Variants in PTPRT observed in about 807,000 individuals in gnomAD.
PTPRT encodes the protein receptor-type tyrosine-protein phosphatase T.
Under a neutral mutation model 176.8 loss-of-function variants are expected in PTPRT, and 56 were observed. The ratio of observed to expected loss-of-function variants is 0.32; its 90% CI spans 0.26 to 0.40. PTPRT has a LOEUF of 0.40. PTPRT is among the 10% of genes least tolerant of loss of function. PTPRT has a pLI of 1.00. For synonymous variants in PTPRT, 783 were observed against 739.0 expected, an observed-to-expected ratio of 1.06 and a Z score of -0.96; for missense variants, 1,540 against 1,908.2, an observed-to-expected ratio of 0.81 and a Z score of 3.60.
chr20:42,973,582 C>G (rs1199143900), intron 1 of PTPRT, among the ~76,000 whole-genome samples: 1 of 152,152 alleles, frequency 6.6e-6, no homozygotes, highest in Non-Finnish European at 1.5e-5. Flanking sequence ...GCAGCGACCT[C>G]AGCCCCTTTT....
intron 8 of PTPRT, among the ~76,000 whole-genome samples, chr20:42,449,249 T>C (rs2070784553): frequency 1.3e-5 from 2 of 152,134 alleles, no homozygotes; most frequent in African/African-American, 4.8e-5. Flanking sequence ...TATTTGTTGG[T>C]TGGATGAATA....
chr20:42,109,752 G>GAGA (rs1600530159), intron 23 of PTPRT, among the ~76,000 whole-genome samples: 1 of 152,200 alleles, frequency 6.6e-6, no homozygotes, highest in Non-Finnish European at 1.5e-5. Context: ...CAGACTGGAC[G>GAGA]AGAAGTAAAT....
intron 2 of PTPRT, among the ~76,000 whole-genome samples, chr20:42,881,897 C>A (rs1217691702): frequency 6.6e-6 from 1 of 152,016 alleles, no homozygotes; most frequent in Non-Finnish European, 1.5e-5. Flanking sequence ...CTAAAACACA[C>A]CAGGTATGAG....
At chr20:42,755,151 G>A (rs975270660) in intron 6 of PTPRT, among the ~76,000 whole-genome samples, 1 of 152,106 alleles carries the variant, frequency 6.6e-6, no homozygotes, top group East Asian at 1.9e-4. Flanking sequence ...GGGAGAAGAC[G>A]ACATACTGCC....
chr20:42,581,418 C>T (rs1032058528), intron 7 of PTPRT, among the ~76,000 whole-genome samples: 3 of 151,866 alleles, frequency 2.0e-5, no homozygotes, highest in East Asian at 1.9e-4. Flanking sequence ...ATGACGGAAA[C>T]GATTTGTTTC....
intron 1 of PTPRT, among the ~76,000 whole-genome samples, chr20:43,045,484 C>T (rs1362587550): frequency 1.1e-4 from 15 of 132,408 alleles, no homozygotes; most frequent in Non-Finnish European, 1.7e-4. Context: ...GTCACAGTCT[C>T]GCTCTGTCAC....
intron 1 of PTPRT, among the ~76,000 whole-genome samples, chr20:42,995,840 T>C (rs549050038): frequency 3.3e-5 from 5 of 152,122 alleles, no homozygotes; most frequent in Non-Finnish European, 7.4e-5. Flanking sequence ...TTTTTTTTAA[T>C]AGTCAGCGTA....
chr20:42,081,776 A>G, intron 30 of PTPRT, 106 bp downstream of exon 30: 2 of 1,413,512 alleles, frequency 1.4e-6, no homozygotes, highest in Non-Finnish European at 2.0e-6. Context: ...GCAGGTATAC[A>G]ATTAGCAGCC....
chr20:42,877,415 G>A lies in PTPRT; in HGVS notation c.214+8392C>T, dbSNP rs1300028606. 5.9e-5 allele frequency among the ~76,000 whole-genome samples: 9 copies of A among 152,158 alleles called. No individual in the cohort carries two copies. The South Asian group carries it at 1.9e-3, about 32-fold the overall frequency. On this transcript the variant is annotated intron_variant, in intron 2 of 30. Transcript: ENST00000373187. ...CTCTCAGCGAGCTACACAATCCACT[G>A]AGACTCAACACAATGAGAGATACCC...
intron 4 of PTPRT, among the ~76,000 whole-genome samples, chr20:42,774,608 T>C (rs1269000277): frequency 6.6e-6 from 1 of 152,186 alleles, no homozygotes; most frequent in African/African-American, 2.4e-5. Flanking sequence ...CGGTCCCTGA[T>C]ATGTAGCTCT....
intron 1 of PTPRT, among the ~76,000 whole-genome samples, chr20:42,916,429 G>A (rs1477571566): frequency 6.6e-6 from 1 of 152,104 alleles, no homozygotes. Flanking sequence ...AAACATACAT[G>A]TGCATGTGTC....
chr20:42,556,843 C>T (rs777056393), intron 7 of PTPRT, among the ~76,000 whole-genome samples: 11 of 152,010 alleles, frequency 7.2e-5, no homozygotes, highest in Non-Finnish European at 1.5e-4. Context: ...TTGCTGGTGC[C>T]CAGGGAGAGC....
At chr20:42,799,693 G>GAT (rs2077501984) in intron 2 of PTPRT, among the ~76,000 whole-genome samples, 1 of 152,222 alleles carries the variant, frequency 6.6e-6, no homozygotes, top group Non-Finnish European at 1.5e-5. Flanking sequence ...CTGAAGGTCA[G>GAT]ATAATGCTAC....
chr20:42,895,160 C>A (rs917806779), intron 1 of PTPRT, among the ~76,000 whole-genome samples: 6 of 152,178 alleles, frequency 3.9e-5, no homozygotes, highest in African/African-American at 1.4e-4. Flanking sequence ...TAAAAAAATG[C>A]CACAAACTGT....
At chr20:42,938,916 C>T (rs992507300) in intron 1 of PTPRT, among the ~76,000 whole-genome samples, 5 of 152,180 alleles carry the variant, frequency 3.3e-5, no homozygotes, top group African/African-American at 1.2e-4. Context: ...GGCTTAAGAA[C>T]AGCATTTATA....
At chr20:42,249,956 T>A (rs1855020030) in intron 13 of PTPRT, among the ~76,000 whole-genome samples, 1 of 152,164 alleles carries the variant, frequency 6.6e-6, no homozygotes. Flanking sequence ...GGAAGCAGCT[T>A]AAAGTCCAAA....
At chr20:42,350,220 T>TC (rs1469462105) in intron 11 of PTPRT, among the ~76,000 whole-genome samples, 4 of 51,224 alleles carry the variant, frequency 7.8e-5, no homozygotes, top group Non-Finnish European at 1.6e-4. Flanking sequence ...TCTTGTTTTT[T>TC]TTTTTTTTTT....
At chr20:42,427,559 C>T (rs2059176633) in intron 9 of PTPRT, among the ~76,000 whole-genome samples, 2 of 152,140 alleles carry the variant, frequency 1.3e-5, no homozygotes, top group South Asian at 4.1e-4. Flanking sequence ...AAGCTCCCTC[C>T]AGCATCTTTC....
intron 1 of PTPRT, among the ~76,000 whole-genome samples, chr20:42,976,522 C>T (rs989871141): frequency 2.0e-5 from 3 of 152,068 alleles, no homozygotes; most frequent in Non-Finnish European, 4.4e-5. Context: ...TCTTCCACCT[C>T]AGCCTCCCAA....
Sources: gnomAD v4.1 joint callset for allele counts (sites outside exome capture counted in the v4.1 genomes callset) on GRCh38, gnomAD v4.1.1 for gene constraint, MANE v1.5 for transcripts, NCBI Gene and HGNC (gene_info 2026-07-23, HGNC 2026-07-21) for gene names.